The following HACE1 variants were observed in gnomAD, a reference collection of about 807,000 sequenced individuals.
HACE1 encodes the protein E3 ubiquitin-protein ligase HACE1.
A neutral mutation model predicts 118.4 loss-of-function variants in HACE1; 73 were observed. That is an observed-to-expected ratio of 0.62 (90% CI 0.51 to 0.75). The LOEUF (loss-of-function observed/expected upper bound fraction) is 0.75. Ranked by LOEUF, HACE1 falls within the 30% of genes least tolerant of loss-of-function variation. The pLI is 0.00. For synonymous variants in HACE1, 368 were observed against 374.8 expected (o/e 0.98, Z 0.21); for missense variants, 749 against 1,102.2 (o/e 0.68, Z 4.54).
At position 104,859,720 on chromosome 6, in the gene HACE1, C is replaced by G; in HGVS notation, c.-78G>C. The G allele has an allele frequency of 1.5e-6, 2 of 1,295,452 alleles. No homozygotes were observed. Among genetic ancestry groups the G allele is most frequent in the Non-Finnish European group, 2.1e-6 (2 of 941,744 alleles). 80.2% of individuals were successfully genotyped at this position (1,295,452 alleles called of 1,614,324 possible). A position where few individuals can be genotyped will look rare whatever the true frequency, so the allele number is the denominator to read the frequency against. ...CCGCGCCCAGAGCCCTACATCTCGC[C>G]TGGGCCCGTCCAGCAGGCGGAGACG... On this transcript the variant is annotated 5_prime_UTR_variant, in exon 1 of 24. Transcript: ENST00000262903.
chr6:104,826,682 TA>T (rs1773367940), intron 6 of HACE1, among the ~76,000 whole-genome samples: 1 of 152,230 alleles, frequency 6.6e-6, no homozygotes, highest in Non-Finnish European at 1.5e-5. Flanking sequence ...AGGTGACTGA[TA>T]AATGATTACC....
chr6:104,771,382 A>C lies in HACE1; in HGVS notation c.2022T>G (p.Pro674=). The part of the protein sequence containing the change: ...RSFYKHILGI[P]VNYQDVASID... ...TGGATGCCACATCTTGGTAATTTAC[A>C]GGAATACCTAAAAAATGCAAACATA... The change falls in exon 19 of 24, where the codon CCT becomes CCG. Residue 674 remains proline (P), a synonymous_variant. Transcript: ENST00000262903. 1.2e-6 allele frequency: 2 copies of C among 1,608,236 alleles called. No individual in the cohort carries two copies. Among genetic ancestry groups the C allele is most frequent in the Non-Finnish European group, 1.7e-6 (2 of 1,174,900 alleles).
rs1781297055 is a variant in HACE1 at position 104,777,098 on chromosome 6, C to A, written c.1691G>T (p.Arg564Met). The A allele has an allele frequency of 6.2e-7, 1 of 1,607,494 alleles. No individual in the cohort carries two copies. The highest frequency in any genetic ancestry group is 8.5e-7 in the Non-Finnish European group (1 of 1,174,292). ...TTTTGACACAACTTCACAGCTACTC[C>A]TAAAAATAGAATCTAAATATGTAGC... The part of the protein sequence containing the change: ...ILLVHRDSIF[R>M]SSCEVVSKAN... Residue 564 changes from arginine to methionine, a missense_variant, in exon 16 of 24, where the codon AGG becomes ATG. Around this residue, in one of 5 missense-constraint regions of HACE1, gnomAD observed 195 missense variants for 322.1 expected, o/e 0.61. Transcript: ENST00000262903.
intron 6 of HACE1, among the ~76,000 whole-genome samples, chr6:104,816,324 C>T (rs1008751097): frequency 2.6e-5 from 4 of 152,196 alleles, no homozygotes; most frequent in African/African-American, 4.8e-5. Flanking sequence ...CTTCACAGGC[C>T]GGACCCAGGG....
rs184420284 is a variant in HACE1, at chr6:104,733,245, T to G, written c.2514-2829A>C. Among the ~76,000 whole-genome samples the G allele has an allele frequency of 3.2e-3, 489 of 152,324 alleles. 3 individuals carry two copies. The highest frequency in any genetic ancestry group is 5.3e-3 in the Non-Finnish European group (358 of 68,012). ...TATTTCAATATCAATATGATCAATC[T>G]AATGTCCTCCACACAAGTAAATTTT... is the stretch of plus-strand genomic sequence containing the variant. On this transcript the variant is annotated intron_variant, in intron 22 of 23. Transcript: ENST00000262903.
At chr6:104,830,281 C>CT (rs896072440) in intron 6 of HACE1, among the ~76,000 whole-genome samples, 1 of 152,116 alleles carries the variant, frequency 6.6e-6, no homozygotes, top group African/African-American at 2.4e-5. Context: ...CATTTCACAT[C>CT]TTTTTTTCCC....
At chr6:104,757,150 A>C in intron 19 of HACE1, among the ~76,000 whole-genome samples, 1 of 152,190 alleles carries the variant, frequency 6.6e-6, no homozygotes. Context: ...ACCTGAACAA[A>C]AGGCAGCAGA....
chr6:104,819,398 A>T (rs745884235), intron 6 of HACE1, among the ~76,000 whole-genome samples: 6 of 152,224 alleles, frequency 3.9e-5, no homozygotes, highest in Admixed American at 3.9e-4. Context: ...TGACACAAAC[A>T]AATGGAAAAA....
At chr6:104,743,271 C>G (rs1400327088) in intron 22 of HACE1, among the ~76,000 whole-genome samples, 1 of 151,262 alleles carries the variant, frequency 6.6e-6, no homozygotes, top group Non-Finnish European at 1.5e-5. Context: ...ATGTAACTAA[C>G]CTGCACAATG....
chr6:104,840,005 C>CA (rs990210402), intron 5 of HACE1, among the ~76,000 whole-genome samples: 10 of 151,744 alleles, frequency 6.6e-5, no homozygotes, highest in Non-Finnish European at 1.3e-4. Flanking sequence ...GACTCTGTCT[C>CA]AAAAAAATAA....
intron 22 of HACE1, among the ~76,000 whole-genome samples, chr6:104,740,193 T>A (rs971810879): frequency 4.2e-5 from 6 of 143,514 alleles, no homozygotes; most frequent in African/African-American, 1.7e-4. Flanking sequence ...TTTATAGCAC[T>A]AAATGCCCAC....
chr6:104,852,245 A>T, intron 2 of HACE1, 72 bp downstream of exon 2: 2 of 769,932 alleles, frequency 2.6e-6, no homozygotes, highest in Non-Finnish European at 4.6e-6. Context: ...GTGCGCGTGC[A>T]CGGGCATGCA....
chr6:104,755,101 A>G (rs1220438887), intron 19 of HACE1, among the ~76,000 whole-genome samples: 2 of 152,200 alleles, frequency 1.3e-5, no homozygotes, highest in African/African-American at 4.8e-5. Context: ...AATTTTACCA[A>G]GCAAATGGAA....
intron 6 of HACE1, among the ~76,000 whole-genome samples, chr6:104,811,894 A>G (rs1771665261): frequency 6.6e-6 from 1 of 152,106 alleles, no homozygotes; most frequent in African/African-American, 2.4e-5. Flanking sequence ...CAAAGTCAAG[A>G]GCATAATTAT....
intron 5 of HACE1, among the ~76,000 whole-genome samples, chr6:104,841,867 A>G (rs1775147183): frequency 6.6e-6 from 1 of 152,232 alleles, no homozygotes; most frequent in South Asian, 2.1e-4. Context: ...ATAATGCTCC[A>G]TTAAATAATG....
At chr6:104,743,325 T>TA in intron 22 of HACE1, among the ~76,000 whole-genome samples, 1 of 151,660 alleles carries the variant, frequency 6.6e-6, no homozygotes, top group Non-Finnish European at 1.5e-5. Flanking sequence ...TAAAAAAAAA[T>TA]TATATATATG....
chr6:104,851,779 T>C (rs1426803489), intron 2 of HACE1, among the ~76,000 whole-genome samples: 6 of 152,148 alleles, frequency 3.9e-5, no homozygotes, highest in Admixed American at 2.6e-4. Flanking sequence ...CTCTTTACAT[T>C]CTTCTTCTTA....
At chr6:104,848,818 T>C (rs1334643269) in intron 4 of HACE1, among the ~76,000 whole-genome samples, 5 of 151,974 alleles carry the variant, frequency 3.3e-5, no homozygotes. Flanking sequence ...TTTCAGAAAA[T>C]ACAATGTCAC....
intron 7 of HACE1, among the ~76,000 whole-genome samples, chr6:104,799,013 T>C (rs949551465): frequency 1.3e-5 from 2 of 152,330 alleles, no homozygotes; most frequent in Middle Eastern, 3.4e-3. Context: ...AATTGTATTA[T>C]AGGCTTTAAT....
Sources: allele counts gnomAD v4.1 joint callset (sites outside exome capture counted in the v4.1 genomes callset), GRCh38; gene constraint gnomAD v4.1.1; regional missense constraint gnomAD v4.1.1; transcripts MANE v1.5; gene names NCBI Gene and HGNC (gene_info 2026-07-23, HGNC 2026-07-21).